The following DPP6 variants were observed in gnomAD, a reference collection of about 807,000 sequenced individuals.
The protein encoded by DPP6 is dipeptidyl peptidase like 6.
Under a neutral mutation model 122.6 loss-of-function variants are expected in DPP6, and 69 were observed. The ratio of observed to expected loss-of-function variants is 0.56; its 90% CI spans 0.46 to 0.69. The LOEUF is 0.69. DPP6 is among the 30% of genes least tolerant of loss of function. The pLI is 0.00. For missense variants in DPP6, 928 were observed against 1,116.9 expected, an observed-to-expected ratio of 0.83 and a Z score of 2.41; for synonymous variants, 418 against 433.1, an observed-to-expected ratio of 0.97 and a Z score of 0.43.
At chr7:153,942,664 G>A (rs1187045718) in intron 1 of DPP6, among the ~76,000 whole-genome samples, 1 of 152,212 alleles carries the variant, frequency 6.6e-6, no homozygotes, top group Non-Finnish European at 1.5e-5. Context: ...AGGCCTGTCT[G>A]TGTGACACTC....
the DPP6 span, among the ~76,000 whole-genome samples, chr7:153,866,385 G>A: frequency 6.6e-6 from 1 of 152,122 alleles, no homozygotes; most frequent in Non-Finnish European, 1.5e-5. Flanking sequence ...GTTTTGATTT[G>A]CATTTCTCTG....
At chr7:154,539,474 G>A (rs1176823937) in intron 3 of DPP6, among the ~76,000 whole-genome samples, 5 of 152,100 alleles carry the variant, frequency 3.3e-5, no homozygotes, top group African/African-American at 9.7e-5. Flanking sequence ...ACACACCAGG[G>A]CCTGTTGTAC....
At chr7:154,248,797 C>T (rs62485761) in intron 1 of DPP6, among the ~76,000 whole-genome samples, 18,355 of 151,610 alleles carry the variant, frequency 0.12, 1,381 homozygotes, top group Non-Finnish European at 0.17. Context: ...ACCCAGGAGA[C>T]GGAGGTTGCA....
At chr7:154,554,540 T>C (rs1218808675) in intron 4 of DPP6, among the ~76,000 whole-genome samples, 4 of 151,730 alleles carry the variant, frequency 2.6e-5, no homozygotes, top group Non-Finnish European at 4.4e-5. Flanking sequence ...TATGTATTTA[T>C]CTACTACAGG....
intron 1 of DPP6, among the ~76,000 whole-genome samples, chr7:153,946,731 T>C (rs1801965658): frequency 6.6e-6 from 1 of 152,010 alleles, no homozygotes; most frequent in African/African-American, 2.4e-5. Context: ...CATAGCAGTT[T>C]GGATAAGTGG....
rs10278407 is a variant in DPP6, at chr7:154,477,245, C to T, written c.457+2208C>T. ...ACATGGGAGTCACACCACCCACCACCATGATCTCCCACCACCACCACCAGC... is the reference window on the plus strand; with the variant it reads ...ACATGGGAGTCACACCACCCACCACTATGATCTCCCACCACCACCACCAGC... On this transcript the variant is annotated intron_variant, in intron 3 of 25. Transcript: ENST00000377770. Among the ~76,000 whole-genome samples, 1,002 of 152,208 alleles carry T rather than the reference C, an allele frequency of 6.6e-3. 17 individuals are homozygous for T. Among genetic ancestry groups the T allele is most frequent in the African/African-American group, 0.023 (953 of 41,508 alleles).
At chr7:153,796,757 C>A in the DPP6 span, among the ~76,000 whole-genome samples, 5 of 152,106 alleles carry the variant, frequency 3.3e-5, no homozygotes, top group African/African-American at 1.2e-4. Flanking sequence ...ACAGTAAAAT[C>A]TCTGGTCAGC....
At chr7:154,792,149 A>C (rs1797721468) in intron 10 of DPP6, among the ~76,000 whole-genome samples, 3 of 152,266 alleles carry the variant, frequency 2.0e-5, no homozygotes. Flanking sequence ...TCTTGATTGC[A>C]TGCAGACGAA....
the DPP6 span, among the ~76,000 whole-genome samples, chr7:153,874,478 C>A: frequency 6.6e-6 from 1 of 152,094 alleles, no homozygotes; most frequent in Non-Finnish European, 1.5e-5. Context: ...CGGGTTCAAG[C>A]GATTCTCCTG....
chr7:154,391,872 A>T (rs1015612145), intron 1 of DPP6, among the ~76,000 whole-genome samples: 1 of 152,226 alleles, frequency 6.6e-6, no homozygotes, highest in African/African-American at 2.4e-5. Context: ...AGAGAACAGC[A>T]ACCAGCAGTG....
intron 5 of DPP6, among the ~76,000 whole-genome samples, chr7:154,628,326 A>G (rs1240006756): frequency 6.6e-6 from 1 of 152,188 alleles, no homozygotes; most frequent in Non-Finnish European, 1.5e-5. Flanking sequence ...ACTGACATGC[A>G]TGTACTCATG....
the DPP6 span, among the ~76,000 whole-genome samples, chr7:153,855,239 A>T: frequency 3.5e-5 from 5 of 143,726 alleles, no homozygotes; most frequent in South Asian, 2.3e-4. Context: ...AAAGTATAAT[A>T]AAAAAAAAGA....
chr7:153,924,907 T>G (rs905931160), intron 1 of DPP6, among the ~76,000 whole-genome samples: 1 of 152,116 alleles, frequency 6.6e-6, no homozygotes, highest in Non-Finnish European at 1.5e-5. Context: ...ATGGTTTCTG[T>G]AAGCTTGTTG....
At chr7:154,384,063 G>T (rs1212714108) in intron 1 of DPP6, among the ~76,000 whole-genome samples, 1 of 152,018 alleles carries the variant, frequency 6.6e-6, no homozygotes, top group Non-Finnish European at 1.5e-5. Context: ...CTGGGACTCT[G>T]CACGCTCACC....
chr7:153,761,737 C>T, the DPP6 span, among the ~76,000 whole-genome samples: 1 of 152,194 alleles, frequency 6.6e-6, no homozygotes, highest in East Asian at 1.9e-4. Flanking sequence ...ATCCATGCTT[C>T]CTTCAACCCA....
At chr7:154,808,335 C>T (rs1798827780) in intron 16 of DPP6, among the ~76,000 whole-genome samples, 1 of 152,178 alleles carries the variant, frequency 6.6e-6, no homozygotes, top group Non-Finnish European at 1.5e-5. Flanking sequence ...TTGCTCAACA[C>T]AAGCTCAGCC....
intron 1 of DPP6, among the ~76,000 whole-genome samples, chr7:154,036,413 G>A (rs1261618271): frequency 6.8e-6 from 1 of 148,086 alleles, no homozygotes; most frequent in East Asian, 2.0e-4. Context: ...GAGCCACCTT[G>A]TCTGGCCTCT....
chr7:154,786,275 C>A (rs1270328717), intron 10 of DPP6, among the ~76,000 whole-genome samples: 5 of 152,124 alleles, frequency 3.3e-5, no homozygotes, highest in Admixed American at 3.3e-4. Flanking sequence ...ACTCTTTATT[C>A]GTCAAAGCTA....
chr7:154,133,833 A>G lies in DPP6; in HGVS notation c.243+80770A>G, dbSNP rs1169019931. Among the ~76,000 whole-genome samples the G allele has an allele frequency of 4.0e-5, 6 of 149,286 alleles. 1 individual carries two copies. The East Asian group carries it at 6.0e-4, about 15-fold the overall frequency. ...CCCGGCAAAGACTTGGCGTCATCCCAGGGAGGCAGAGAGGCCAACTCAGTG... is the reference window on the plus strand; with the variant it reads ...CCCGGCAAAGACTTGGCGTCATCCCGGGGAGGCAGAGAGGCCAACTCAGTG... On this transcript the variant is annotated intron_variant, in intron 1 of 25. Coordinates refer to ENST00000377770, the MANE Select transcript of DPP6 (RefSeq NM_130797.4).
Sources: gnomAD v4.1 joint callset for allele counts (sites outside exome capture counted in the v4.1 genomes callset) on GRCh38, gnomAD v4.1.1 for gene constraint, MANE v1.5 for transcripts, NCBI Gene and HGNC (gene_info 2026-07-23, HGNC 2026-07-21) for gene names.